Variants in TFEC observed in about 807,000 individuals in gnomAD.
TFEC encodes class E basic helix-loop-helix protein 34.
A neutral mutation model predicts 41.6 loss-of-function variants in TFEC; 31 were observed. The observed-to-expected ratio is 0.74, with a 90% CI of 0.56 to 1.01. The LOEUF (loss-of-function observed/expected upper bound fraction) is 1.01, where lower values mean the gene tolerates loss of function less well. Among genes scored for constraint, TFEC ranks in the 50% least tolerant of loss-of-function variants. The probability of loss-of-function intolerance (pLI) is 0.00; values close to 1 mark genes in which losing one functional copy is unlikely to be tolerated. For missense variants in TFEC, 402 were observed against 404.1 expected (o/e 0.99, Z 0.04); for synonymous variants, 143 against 140.6 (o/e 1.02, Z -0.12).
At chr7:116,130,131 C>T (rs1220189081) in intron 1 of TFEC, among the ~76,000 whole-genome samples, 2 of 151,594 alleles carry the variant, frequency 1.3e-5, no homozygotes, top group Non-Finnish European at 2.9e-5. Flanking sequence ...AGATCTGAAG[C>T]CCCATCCACT....
At chr7:116,110,821 T>C (rs755612961) in exon 3 of TFEC, 52 of 1,548,628 alleles carry the variant, frequency 3.4e-5, no homozygotes, top group South Asian at 2.7e-4. Flanking sequence ...TGGGCACTGA[T>C]TTCCTGGCTG....
At chr7:116,078,752 C>T (rs1797019488) in intron 3 of TFEC, among the ~76,000 whole-genome samples, 1 of 151,984 alleles carries the variant, frequency 6.6e-6, no homozygotes, top group South Asian at 2.1e-4. Flanking sequence ...TTCTATCAGA[C>T]ATTCAATGAA....
chr7:116,088,407 A>C (rs1797249650), intron 3 of TFEC, among the ~76,000 whole-genome samples: 1 of 152,162 alleles, frequency 6.6e-6, no homozygotes, highest in East Asian at 1.9e-4. Flanking sequence ...AGTCGGCTAA[A>C]TATTTGCGAT....
At chr7:116,047,074 C>T (rs1040882840) in intron 3 of TFEC, among the ~76,000 whole-genome samples, 1 of 152,180 alleles carries the variant, frequency 6.6e-6, no homozygotes. Flanking sequence ...ATAGGAACAG[C>T]TCCAGTCTGT....
chr7:116,034,361 C>T (rs1206925899), upstream of TFEC, among the ~76,000 whole-genome samples: 1 of 152,054 alleles, frequency 6.6e-6, no homozygotes, highest in Non-Finnish European at 1.5e-5. Context: ...CAACAACCTA[C>T]TCTATGTTTG....
intron 4 of TFEC, 46 bp downstream of exon 4, chr7:115,956,633 G>T (rs572817391): frequency 2.9e-6 from 4 of 1,384,542 alleles, no homozygotes; most frequent in Non-Finnish European, 3.0e-6. Flanking sequence ...CATAACTTAT[G>T]TCATTAATAA....
At chr7:116,142,887 T>TA (rs1798569288) in intron 1 of TFEC, among the ~76,000 whole-genome samples, 2 of 152,266 alleles carry the variant, frequency 1.3e-5, no homozygotes, top group South Asian at 4.1e-4. Context: ...CTATCAATAA[T>TA]AAAAAATTGA....
intron 3 of TFEC, among the ~76,000 whole-genome samples, chr7:116,065,072 T>C (rs967896473): frequency 6.6e-6 from 1 of 152,114 alleles, no homozygotes; most frequent in Non-Finnish European, 1.5e-5. Context: ...TCCAGAATAC[T>C]CAGAACACTC....
chr7:116,061,061 A>G (rs1796544847), intron 3 of TFEC, among the ~76,000 whole-genome samples: 1 of 152,154 alleles, frequency 6.6e-6, no homozygotes, highest in Non-Finnish European at 1.5e-5. Context: ...TGATCCATAA[A>G]TAGATTCAGC....
chr7:116,134,951 C>G (rs1042269073), intron 1 of TFEC, among the ~76,000 whole-genome samples: 5 of 152,168 alleles, frequency 3.3e-5, no homozygotes, highest in Non-Finnish European at 7.4e-5. Flanking sequence ...CTCTGTAGGA[C>G]TTGATATTGG....
intron 3 of TFEC, among the ~76,000 whole-genome samples, chr7:115,972,767 T>C (rs957651390): frequency 6.6e-6 from 1 of 152,052 alleles, no homozygotes; most frequent in African/African-American, 2.4e-5. Flanking sequence ...ATGAAATTCA[T>C]CACCAATTTT....
chr7:116,037,740 T>C (rs953233800), intron 3 of TFEC, among the ~76,000 whole-genome samples: 1 of 151,992 alleles, frequency 6.6e-6, no homozygotes, highest in African/African-American at 2.4e-5. Context: ...AAGACTAAAA[T>C]TGAAACTTAC....
chr7:116,115,863 G>A (rs547249573), intron 1 of TFEC, among the ~76,000 whole-genome samples: 14 of 152,024 alleles, frequency 9.2e-5, no homozygotes, highest in African/African-American at 2.9e-4. Context: ...GTTTTTATAA[G>A]TGCTTAACAA....
rs114105105 is a variant in TFEC at position 116,043,222 on chromosome 7, G to A, written c.199-58709C>T. ...AATAGTGTATCTTATGAACATATGT[G>A]GATATAATGATTTTCCTGGAAGAAT... On this transcript the variant is annotated intron_variant, in intron 3 of 8. Transcript: ENST00000484212. 6.7e-3 allele frequency among the ~76,000 whole-genome samples: 1,017 copies of A among 152,092 alleles called. 10 individuals carry two copies. Among genetic ancestry groups the A allele is most frequent in the African/African-American group, 0.023 (972 of 41,504 alleles).
chr7:116,018,389 A>G (rs144996759), intron 1 of TFEC, among the ~76,000 whole-genome samples: 1 of 152,306 alleles, frequency 6.6e-6, no homozygotes, highest in East Asian at 1.9e-4. Context: ...GGGTTAATGG[A>G]TGTATGTGAG....
chr7:115,974,630 A>G (rs1793301791), intron 2 of TFEC, among the ~76,000 whole-genome samples: 1 of 150,770 alleles, frequency 6.6e-6, no homozygotes. Flanking sequence ...ATCTCAAGGC[A>G]GATAGGGTCC....
rs1295125056 is a variant in TFEC, at chr7:116,101,198, A to C, written c.198+9510T>G. Among the ~76,000 whole-genome samples the C allele has an allele frequency of 5.8e-4, 50 of 86,640 alleles. No individual in the cohort carries two copies. In the East Asian group the frequency reaches 0.01, roughly 18 times the overall value. The allele number at this position is 86,640 out of a possible 152,430, so 56.8% of individuals were successfully genotyped here. A position where few individuals can be genotyped will look rare whatever the true frequency, so the allele number is the denominator to read the frequency against. Reference sequence around the variant, plus strand: ...GTCCCCCACTTTCATGCCCCCCCCCAAAAAAAAGAAAAAGGAAAAAACTAG... The same window carrying C: ...GTCCCCCACTTTCATGCCCCCCCCCCAAAAAAAGAAAAAGGAAAAAACTAG... On this transcript the variant is annotated intron_variant, in intron 3 of 8. Transcript: ENST00000484212.
In TFEC at chr7:115,946,419, G is replaced by T. The variant is rs201894674; in HGVS notation, c.516-4379C>A. On this transcript the variant is annotated intron_variant, in intron 6 of 7. Coordinates refer to ENST00000265440, the MANE Select transcript of TFEC (RefSeq NM_012252.4). ...AACGTGTGTGTGTGTGTGTGTGTGT[G>T]TGTGTGTGTGTGTGTGTGTAGGGTC... Among the ~76,000 whole-genome samples the T allele has an allele frequency of 1.4e-3, 204 of 141,440 alleles. 1 individual carries two copies. Among genetic ancestry groups the T allele is most frequent in the South Asian group, 6.1e-3 (23 of 3,798 alleles). 92.8% of individuals were successfully genotyped at this position (141,440 alleles called of 152,430 possible). A position where few individuals can be genotyped will look rare whatever the true frequency, so the allele number is the denominator to read the frequency against.
chr7:116,100,091 C>T (rs181805806), intron 3 of TFEC, among the ~76,000 whole-genome samples: 2 of 152,286 alleles, frequency 1.3e-5, no homozygotes, highest in African/African-American at 4.8e-5. Flanking sequence ...GCTCCAATTT[C>T]TGCCTGCCTT....
Sources: gnomAD v4.1 joint callset for allele counts (sites outside exome capture counted in the v4.1 genomes callset) on GRCh38, gnomAD v4.1.1 for gene constraint, MANE v1.5 for transcripts, NCBI Gene and HGNC (gene_info 2026-07-23, HGNC 2026-07-21) for gene names.